Variants in SLC37A3 observed in about 807,000 individuals in gnomAD.
SLC37A3 encodes solute carrier family 37 member 3.
Under a neutral mutation model 67.1 loss-of-function variants are expected in SLC37A3, and 51 were observed. The observed-to-expected ratio is 0.76, with a 90% CI of 0.61 to 0.96. SLC37A3 has a LOEUF of 0.96. SLC37A3 is among the 40% of genes least tolerant of loss of function. The pLI is 0.00. For synonymous variants in SLC37A3, 214 were observed against 231.4 expected (o/e 0.92, Z 0.68); for missense variants, 508 against 603.0 (o/e 0.84, Z 1.65).
intron 1 of SLC37A3, among the ~76,000 whole-genome samples, chr7:140,387,749 A>AAATATAAATATATATATTATATAT (rs1798532596): frequency 1.2e-4 from 2 of 17,004 alleles, no homozygotes; most frequent in East Asian, 3.1e-3. Context: ...TATATTATAT[A>AAATATAAATATATATATTATATAT]AATATAAATA....
intron 4 of SLC37A3, among the ~76,000 whole-genome samples, chr7:140,365,076 A>G (rs1797545643): frequency 6.6e-6 from 1 of 152,160 alleles, no homozygotes; most frequent in South Asian, 2.1e-4. Context: ...TGACATCCCA[A>G]GGCAGGGAGA....
chr7:140,337,513 T>C (rs1585241475), intron 13 of SLC37A3, 164 bp from the exon 14 acceptor site: 1 of 482,944 alleles, frequency 2.1e-6, no homozygotes, highest in Non-Finnish European at 3.6e-6. Context: ...CCTGCTGTGA[T>C]TAATGGCCCA....
intron 5 of SLC37A3, among the ~76,000 whole-genome samples, chr7:140,359,504 G>A (rs1330022000): frequency 6.6e-6 from 1 of 152,200 alleles, no homozygotes; most frequent in Non-Finnish European, 1.5e-5. Flanking sequence ...GTGCTGCTAT[G>A]GGCAGAGGCA....
At chr7:140,371,270 G>C (rs1266543250) in intron 3 of SLC37A3, among the ~76,000 whole-genome samples, 1 of 152,150 alleles carries the variant, frequency 6.6e-6, no homozygotes, top group African/African-American at 2.4e-5. Context: ...CCACCTCCTG[G>C]GTGCAAGTGA....
At chr7:140,337,257 T>G (rs777547780) in intron 14 of SLC37A3, 27 bp downstream of exon 14, 1 of 1,536,132 alleles carries the variant, frequency 6.5e-7, no homozygotes, top group Admixed American at 2.2e-5. Flanking sequence ...AAATGACTTT[T>G]TTTTTTTTAA....
intron 3 of SLC37A3, among the ~76,000 whole-genome samples, chr7:140,372,263 G>C (rs1797851517): frequency 1.3e-5 from 2 of 152,296 alleles, no homozygotes; most frequent in Non-Finnish European, 2.9e-5. Flanking sequence ...ATACAGAAAG[G>C]GTTCTTCAAT....
intron 14 of SLC37A3, 47 bp from the exon 15 acceptor site, chr7:140,335,551 G>A (rs1796101487): frequency 1.9e-6 from 3 of 1,593,224 alleles, no homozygotes; most frequent in South Asian, 2.2e-5. Context: ...GTTTACTTCT[G>A]TTAGAGTGTC....
chr7:140,361,229 T>C (rs1322993742), intron 5 of SLC37A3, among the ~76,000 whole-genome samples: 2 of 151,062 alleles, frequency 1.3e-5, no homozygotes, highest in East Asian at 3.9e-4. Context: ...ACACCTGTAA[T>C]CCCAGCACTT....
intron 5 of SLC37A3, among the ~76,000 whole-genome samples, chr7:140,362,168 T>C (rs1410586862): frequency 3.1e-5 from 4 of 130,100 alleles, no homozygotes; most frequent in South Asian, 2.9e-4. Context: ...CCGCCGCCCA[T>C]TGTCTGAGAT....
chr7:140,374,440 T>G (rs914524637), intron 3 of SLC37A3, among the ~76,000 whole-genome samples: 25 of 147,140 alleles, frequency 1.7e-4, no homozygotes, highest in African/African-American at 5.5e-4. Context: ...GAGGATGCAG[T>G]AAGCTGAGAT....
At chr7:140,359,897 A>T (rs1241490811) in intron 5 of SLC37A3, among the ~76,000 whole-genome samples, 2 of 152,212 alleles carry the variant, frequency 1.3e-5, no homozygotes, top group Non-Finnish European at 2.9e-5. Context: ...TGCAGTTTTT[A>T]AAAAATACAT....
chr7:140,358,563 C>G, intron 6 of SLC37A3, 77 bp downstream of exon 6: 1 of 1,590,158 alleles, frequency 6.3e-7, no homozygotes, highest in South Asian at 1.1e-5. Flanking sequence ...AGCAAAGTAA[C>G]TGACTTTGAC....
chr7:140,363,713 TAAAAA>T (rs575127857), intron 5 of SLC37A3, among the ~76,000 whole-genome samples: 1 of 27,980 alleles, frequency 3.6e-5, no homozygotes, highest in African/African-American at 1.4e-4. Context: ...AATAAAAAAA[TAAAAA>T]AAAAAGAGCA....
chr7:140,369,042 GC>G lies in SLC37A3; in HGVS notation c.291+547del, dbSNP rs1797717521. ...AGCTCCCATCTCACTCAAGGTTAAAGCCAAAGCCGCCCCAAAGGTACCAAAA... is the reference window on the plus strand; with the variant it reads ...AGCTCCCATCTCACTCAAGGTTAAAGCAAAGCCGCCCCAAAGGTACCAAAA... On this transcript the variant is annotated intron_variant, in intron 4 of 14. Transcript: ENST00000326232. 2.6e-5 allele frequency among the ~76,000 whole-genome samples: 4 copies of G among 152,142 alleles called. No homozygotes were observed. The South Asian group carries it at 8.3e-4, about 32-fold the overall frequency.
intron 1 of SLC37A3, among the ~76,000 whole-genome samples, chr7:140,386,314 TC>T (rs1360091081): frequency 1.3e-5 from 2 of 151,998 alleles, no homozygotes; most frequent in African/African-American, 2.4e-5. Flanking sequence ...GGGGAATCCT[TC>T]CGCCTCAGCC....
intron 1 of SLC37A3, among the ~76,000 whole-genome samples, chr7:140,394,073 A>T (rs1035591825): frequency 1.3e-5 from 2 of 152,066 alleles, no homozygotes; most frequent in African/African-American, 2.4e-5. Flanking sequence ...CGAGAGGTGG[A>T]GGCGGGAGGA....
intron 6 of SLC37A3, 34 bp from the exon 7 acceptor site, chr7:140,355,798 T>C (rs1797002403): frequency 1.9e-6 from 3 of 1,576,132 alleles, no homozygotes; most frequent in South Asian, 2.2e-5. Flanking sequence ...CAAAGGGCCA[T>C]GGTCAGAAGA....
At chr7:140,347,173 C>T (rs1317787347) in intron 10 of SLC37A3, among the ~76,000 whole-genome samples, 5 of 150,964 alleles carry the variant, frequency 3.3e-5, no homozygotes, top group Non-Finnish European at 5.9e-5. Context: ...ATCGCTTGAG[C>T]CCAGGAGGTT....
chr7:140,396,221 T>C (rs749896603), intron 1 of SLC37A3, among the ~76,000 whole-genome samples: 1 of 151,992 alleles, frequency 6.6e-6, no homozygotes, highest in Non-Finnish European at 1.5e-5. Context: ...GGTCTTGCTA[T>C]GTTAACCAGT....
Sources: allele counts gnomAD v4.1 joint callset (sites outside exome capture counted in the v4.1 genomes callset), GRCh38; gene constraint gnomAD v4.1.1; transcripts MANE v1.5; gene names NCBI Gene and HGNC (gene_info 2026-07-23, HGNC 2026-07-21).